SH2B3: variants seen among roughly 807,000 people sequenced by gnomAD.
SH2B3 encodes the protein SH2B adaptor protein 3, also known as SH2B adapter protein 3.
In SH2B3, 43 loss-of-function variants were observed where a neutral mutation model predicts 51.9. That is an observed-to-expected ratio of 0.83 (90% CI 0.65 to 1.07). The LOEUF (loss-of-function observed/expected upper bound fraction) is 1.07. Ranked by LOEUF, SH2B3 falls within the 50% of genes least tolerant of loss-of-function variation. The pLI, the probability that SH2B3 is intolerant of heterozygous loss-of-function variation, is 0.00. For synonymous variants in SH2B3, 396 were observed against 376.0 expected (o/e 1.05, Z -0.62); for missense variants, 952 against 834.3 (o/e 1.14, Z -1.74).
At chr12:111,412,971 G>C (rs527340049) in intron 1 of SH2B3, among the ~76,000 whole-genome samples, 14 of 152,294 alleles carry the variant, frequency 9.2e-5, no homozygotes, top group African/African-American at 3.1e-4. Context: ...ACTCCAGCTG[G>C]AGCTGAATGA....
chr12:111,431,225 G>A (rs937458967), intron 2 of SH2B3, among the ~76,000 whole-genome samples: 3 of 152,222 alleles, frequency 2.0e-5, no homozygotes, highest in African/African-American at 4.8e-5. Flanking sequence ...GACCTCCCTC[G>A]CTGTGGCTGC....
chr12:111,405,505 C>G (rs1870175580), upstream of SH2B3, among the ~76,000 whole-genome samples: 1 of 152,204 alleles, frequency 6.6e-6, no homozygotes, highest in African/African-American at 2.4e-5. The surrounding 1 kb of genome is among the most constrained non-coding windows in gnomAD (Gnocchi z 5.4). Flanking sequence ...CCAGGCCCCT[C>G]GACCCTGCCC....
upstream of SH2B3, among the ~76,000 whole-genome samples, chr12:111,405,630 T>C (rs1204502725): frequency 6.6e-6 from 1 of 151,960 alleles, no homozygotes; most frequent in African/African-American, 2.4e-5. This position sits in a 1 kb window ranked among gnomAD's most constrained non-coding sequence, Gnocchi z 5.4. Flanking sequence ...TCCTCACTTC[T>C]ATCTTCAGAC....
chr12:111,433,128 G>A (rs767334112), intron 2 of SH2B3, among the ~76,000 whole-genome samples: 12 of 152,206 alleles, frequency 7.9e-5, no homozygotes, highest in Non-Finnish European at 1.5e-4. Context: ...AAGGCAGGTG[G>A]ATCACTTGAT....
chr12:111,416,019 G>A (rs1233774266), intron 1 of SH2B3, among the ~76,000 whole-genome samples: 2 of 152,092 alleles, frequency 1.3e-5, no homozygotes, highest in Non-Finnish European at 2.9e-5. Flanking sequence ...TCGGCTCACT[G>A]CAAGCTCCGC....
At chr12:111,412,296 C>T (rs1870761760) in intron 1 of SH2B3, among the ~76,000 whole-genome samples, 1 of 152,226 alleles carries the variant, frequency 6.6e-6, no homozygotes, top group Admixed American at 6.5e-5. Flanking sequence ...AAAAAACCTC[C>T]CTGGTACAGT....
intron 2 of SH2B3, among the ~76,000 whole-genome samples, chr12:111,437,145 C>T (rs1872952002): frequency 6.6e-6 from 1 of 152,296 alleles, no homozygotes; most frequent in South Asian, 2.1e-4. Context: ...CCAGTAGGGG[C>T]CCAGCCCTGG....
chr12:111,412,558 A>G (rs1212067798), intron 1 of SH2B3, among the ~76,000 whole-genome samples: 1 of 152,134 alleles, frequency 6.6e-6, no homozygotes, highest in Admixed American at 6.5e-5. Flanking sequence ...TGCCAAGCAC[A>G]CTGCAGACAT....
Position 111,418,831 on chromosome 12 carries a change from G to GC in SH2B3, c.690dup (p.Asp231ArgfsTer37). On this transcript the variant is annotated frameshift_variant, in exon 2 of 8. Coordinates refer to ENST00000341259, the MANE Select transcript of SH2B3 (RefSeq NM_005475.3). LOFTEE classifies it high-confidence loss of function. The surrounding 1 kb of genome is among the most constrained non-coding windows in gnomAD (Gnocchi z 6.7). ...AGGCTGGCGCTGCGCCGGGCCCCGG[G>GC]CCCCGATGGCCCCGACCGCGTGCTG... 1 of 1,419,944 alleles carries GC rather than the reference G, an allele frequency of 7.0e-7. No individual in the cohort carries two copies. The highest frequency in any genetic ancestry group is 9.1e-7 in the Non-Finnish European group (1 of 1,101,046). 88.0% of individuals were successfully genotyped at this position (1,419,944 alleles called of 1,614,324 possible).
At chr12:111,439,198 G>A (rs754384601) in intron 2 of SH2B3, among the ~76,000 whole-genome samples, 1 of 152,218 alleles carries the variant, frequency 6.6e-6, no homozygotes, top group Non-Finnish European at 1.5e-5. Context: ...TGCCCAGGCT[G>A]GAGTGCAGTG....
At position 111,407,485 on chromosome 12, in the gene SH2B3, T is replaced by C. The variant is rs891430509; in HGVS notation, c.-28+1208T>C. Among the ~76,000 whole-genome samples, 4 of 152,206 alleles carry C rather than the reference T, an allele frequency of 2.6e-5. No homozygotes were observed. The highest frequency in any genetic ancestry group is 9.6e-5 in the African/African-American group (4 of 41,462). ...TGCAGGCGCAGGTTGTGTCTGGGTTTCCCATCACTGACCTGGCTGCCTGAG... is the reference window on the plus strand; with the variant it reads ...TGCAGGCGCAGGTTGTGTCTGGGTTCCCCATCACTGACCTGGCTGCCTGAG... On this transcript the variant is annotated intron_variant, in intron 1 of 7. Transcript: ENST00000341259. This position sits in a 1 kb window ranked among gnomAD's most constrained non-coding sequence, Gnocchi z 4.3.
In SH2B3 at chr12:111,418,534, C is replaced by G; in HGVS notation, c.389C>G (p.Pro130Arg). 3 of 1,427,362 alleles carry G rather than the reference C, an allele frequency of 2.1e-6. No homozygotes were observed. Among genetic ancestry groups the G allele is most frequent in the Non-Finnish European group, 2.7e-6 (3 of 1,092,322 alleles). The allele number at this position is 1,427,362 out of a possible 1,614,324, so 88.4% of individuals were successfully genotyped here. A position where few individuals can be genotyped will look rare whatever the true frequency, so the allele number is the denominator to read the frequency against. The stretch of plus-strand genomic sequence containing the variant: ...GAGGAGCTGGCCCCGCCGCGGCCGC[C>G]CGGGCCCTGCTCCTTCCAGCACTTT... ...SSEELAPPRP[P>R]GPCSFQHFRR... Residue 130 changes from proline (P) to arginine (R), a missense_variant, in exon 2 of 8, where the codon CCC (proline) becomes CGC (arginine). By Grantham distance (103) the Pro-to-Arg change is moderately radical (BLOSUM62 -2). Coordinates refer to ENST00000341259, the MANE Select transcript of SH2B3 (RefSeq NM_005475.3). The surrounding 1 kb of genome is among the most constrained non-coding windows in gnomAD (Gnocchi z 6.7).
At position 111,446,994 on chromosome 12, in the gene SH2B3, A is replaced by T; in HGVS notation, c.887A>T (p.Asn296Ile). The stretch of plus-strand genomic sequence containing the variant: ...GAGGTGGGAGACGAGCAGCAGCTGA[A>T]TTCATGGATGGCTGAGCTCTCGGAG... ...IFEVGDEQQL[N>I]SWMAELSECT... Residue 296 changes from asparagine (N) to isoleucine (I), a missense_variant, in exon 4 of 8, where the codon AAT (asparagine) becomes ATT (isoleucine). Physicochemically the swap from Asn to Ile is moderately radical, Grantham distance 149 (BLOSUM62 -3). Transcript: ENST00000341259. 1 of 1,614,076 alleles carries T rather than the reference A, an allele frequency of 6.2e-7. No individual in the cohort carries two copies. The highest frequency in any genetic ancestry group is 8.5e-7 in the Non-Finnish European group (1 of 1,179,980).
At position 111,418,586 on chromosome 12, in the gene SH2B3, C is replaced by T; in HGVS notation, c.441C>T (p.Arg147=). Residue 147 remains arginine (R), a synonymous_variant, in exon 2 of 8, where the codon CGC becomes CGT. Transcript: ENST00000341259. The surrounding 1 kb of genome is among the most constrained non-coding windows in gnomAD (Gnocchi z 6.7). ...HFRRSLRHIF[R]RRSAGELPAA... ...GCCGCAGCCTCCGCCACATCTTCCG[C>T]CGCCGCTCGGCCGGGGAGCTGCCAG... 2 of 1,488,480 alleles carry T rather than the reference C, an allele frequency of 1.3e-6. No homozygotes were observed. Among genetic ancestry groups the T allele is most frequent in the Non-Finnish European group, 8.9e-7 (1 of 1,126,288 alleles). 92.2% of individuals were successfully genotyped at this position (1,488,480 alleles called of 1,614,324 possible). A position where few individuals can be genotyped will look rare whatever the true frequency, so the allele number is the denominator to read the frequency against.
At chr12:111,422,722 G>A (rs1272883024) in intron 2 of SH2B3, among the ~76,000 whole-genome samples, 1 of 152,004 alleles carries the variant, frequency 6.6e-6, no homozygotes, top group Admixed American at 6.6e-5. Flanking sequence ...TACCACGCCT[G>A]GCTAATTTTT....
At chr12:111,442,793 A>G (rs1473738162) in intron 2 of SH2B3, among the ~76,000 whole-genome samples, 1 of 152,180 alleles carries the variant, frequency 6.6e-6, no homozygotes, top group Non-Finnish European at 1.5e-5. Context: ...CTCTCTCACC[A>G]GGGGAGGCCA....
In SH2B3 at chr12:111,407,892, C is replaced by T. The variant is rs989145626; in HGVS notation, c.-28+1615C>T. 2.6e-5 allele frequency among the ~76,000 whole-genome samples: 4 copies of T among 152,136 alleles called. No homozygotes were observed. The highest frequency in any genetic ancestry group is 5.9e-5 in the Non-Finnish European group (4 of 68,032). On this transcript the variant is annotated intron_variant, in intron 1 of 7. Coordinates refer to ENST00000341259, the MANE Select transcript of SH2B3 (RefSeq NM_005475.3). This position sits in a 1 kb window ranked among gnomAD's most constrained non-coding sequence, Gnocchi z 4.3. ...CCTATTGCCTTCGTTCAGCTGAAGG[C>T]GTGGGCAAGTGACTCTGCCCTCAGT...
chr12:111,418,477 C>T lies in SH2B3; in HGVS notation c.332C>T (p.Ala111Val). Residue 111 changes from alanine (A) to valine (V), a missense_variant, in exon 2 of 8, where the codon GCC becomes GTC. Ala to Val is a moderately conservative substitution (Grantham distance 64, BLOSUM62 0). Coordinates refer to ENST00000341259, the MANE Select transcript of SH2B3 (RefSeq NM_005475.3). This position sits in a 1 kb window ranked among gnomAD's most constrained non-coding sequence, Gnocchi z 6.7. ...EASPEPGPGP[A>V]APGLPKARSS... ...TCCCCGGAGCCAGGCCCCGGCCCCG[C>T]CGCCCCTGGCCTGCCCAAGGCCCGC... 7.4e-7 allele frequency: 1 copy of T among 1,351,012 alleles called. No homozygotes were observed. Among genetic ancestry groups the T allele is most frequent in the Non-Finnish European group, 9.5e-7 (1 of 1,057,242 alleles). 83.7% of individuals were successfully genotyped at this position (1,351,012 alleles called of 1,614,324 possible).
Position 111,447,700 on chromosome 12 carries a change from G to A in SH2B3, c.1281G>A (p.Gln427=), listed in dbSNP as rs758311554. Residue 427 remains glutamine (Q), a synonymous_variant, in exon 7 of 8, where the codon CAG becomes CAA. Transcript: ENST00000341259. ...SLTERGQCRV[Q]HLHFPSVVDM... is the part of the protein sequence containing the mutation. ...CAGAGCGGGGCCAGTGCCGTGTGCA[G>A]CACCTCCACTTTCCCTCGGTCGTGG... 8.1e-6 allele frequency: 13 copies of A among 1,613,786 alleles called. No individual in the cohort carries two copies. The Admixed American group carries it at 8.3e-5, about 10-fold the overall frequency.
Sources: allele counts gnomAD v4.1 joint callset (sites outside exome capture counted in the v4.1 genomes callset), GRCh38; gene constraint gnomAD v4.1.1; non-coding constraint Gnocchi (gnomAD v3.1); transcripts MANE v1.5; gene names NCBI Gene and HGNC (gene_info 2026-07-23, HGNC 2026-07-21).